The following FUT8 variants were observed in gnomAD, a reference collection of about 807,000 sequenced individuals.
FUT8 encodes the protein fucosyltransferase 8.
Under a neutral mutation model 71.3 loss-of-function variants are expected in FUT8, and 29 were observed. The observed-to-expected ratio is 0.41, with a 90% CI of 0.30 to 0.55. The LOEUF (loss-of-function observed/expected upper bound fraction) is 0.55, where lower values mean the gene tolerates loss of function less well. Among genes scored for constraint, FUT8 ranks in the 20% least tolerant of loss-of-function variants. The pLI, the probability that FUT8 is intolerant of heterozygous loss-of-function variation, is 0.34. For missense variants in FUT8, 544 were observed against 702.1 expected (o/e 0.77, Z 2.55); for synonymous variants, 254 against 239.3 (o/e 1.06, Z -0.57).
rs78069755 is a variant in FUT8 at position 65,649,534 on chromosome 14, C to T, written c.598-19709C>T. Among the ~76,000 whole-genome samples, 753 of 152,232 alleles carry T rather than the reference C, an allele frequency of 4.9e-3. 8 individuals are homozygous for T. The highest frequency in any genetic ancestry group is 0.017 in the African/African-American group (715 of 41,532). ...GATACTGTGTGTTTGGCTTTGCAAC[C>T]AAAGGACCTAGTGCCCTGCCTTTTG... On this transcript the variant is annotated intron_variant, in intron 6 of 10. Transcript: ENST00000673929.
At chr14:65,727,624 G>A (rs575717696) in intron 9 of FUT8, among the ~76,000 whole-genome samples, 1 of 152,152 alleles carries the variant, frequency 6.6e-6, no homozygotes, top group Non-Finnish European at 1.5e-5. Context: ...GGCCTCTGAT[G>A]TGAGGGGCTG....
rs1205980366 is a variant in FUT8 at position 65,483,047 on chromosome 14, T to TC, written c.-228+27334dup. ...CCCGAGGCCAGCAACTTCTTTTACT[T>TC]CCCCCTCAGTTGGATTTGTAACAGA... is the stretch of plus-strand genomic sequence containing the variant. On this transcript the variant is annotated intron_variant, in intron 2 of 10. Coordinates refer to ENST00000673929, the MANE Select transcript of FUT8 (RefSeq NM_001371533.1). This position sits in a 1 kb window ranked among gnomAD's most constrained non-coding sequence, Gnocchi z 4.4. Among the ~76,000 whole-genome samples, 1 of 152,092 alleles carries TC rather than the reference T, an allele frequency of 6.6e-6. No individual in the cohort carries two copies.
chr14:65,680,107 GTTA>G (rs1892964651), intron 7 of FUT8, among the ~76,000 whole-genome samples: 1 of 152,152 alleles, frequency 6.6e-6, no homozygotes, highest in Non-Finnish European at 1.5e-5. Flanking sequence ...AGCTCACACA[GTTA>G]TCAAGTCTGA....
At chr14:65,461,395 A>T (rs2065967162) in intron 2 of FUT8, among the ~76,000 whole-genome samples, 2 of 148,184 alleles carry the variant, frequency 1.3e-5, no homozygotes, top group Admixed American at 1.4e-4. Context: ...TCTAGCCGTT[A>T]CACATTTTGG....
At chr14:65,404,474 G>T in the FUT8 span, among the ~76,000 whole-genome samples, 1 of 148,752 alleles carries the variant, frequency 6.7e-6, no homozygotes, top group Non-Finnish European at 1.5e-5. Context: ...ACCCAGCGTT[G>T]TTTCTTTTTT....
At chr14:65,729,132 C>T (rs1895833596) in intron 9 of FUT8, among the ~76,000 whole-genome samples, 1 of 143,100 alleles carries the variant, frequency 7.0e-6, no homozygotes, top group Non-Finnish European at 1.5e-5. Context: ...CTCAAGAAAT[C>T]CTCCTTCCTC....
At chr14:65,407,492 G>A (rs1285048227), upstream of FUT8, among the ~76,000 whole-genome samples, 1 of 152,016 alleles carries the variant, frequency 6.6e-6, no homozygotes, top group Admixed American at 6.6e-5. Flanking sequence ...ATAGAGACAG[G>A]GGTCTTGCTA....
intron 3 of FUT8, among the ~76,000 whole-genome samples, chr14:65,605,164 G>A (rs984822098): frequency 5.9e-5 from 9 of 151,788 alleles, no homozygotes; most frequent in African/African-American, 2.2e-4. Flanking sequence ...GTGGACATGT[G>A]CTAAAATTTC....
At chr14:65,407,882 ATC>A (rs2065093645), upstream of FUT8, among the ~76,000 whole-genome samples, 2 of 152,184 alleles carry the variant, frequency 1.3e-5, no homozygotes, top group Non-Finnish European at 2.9e-5. Flanking sequence ...GCCAATGGCA[ATC>A]TGGGTTACAG....
intron 2 of FUT8, among the ~76,000 whole-genome samples, chr14:65,539,645 A>C (rs375584426): frequency 6.6e-6 from 1 of 152,210 alleles, no homozygotes; most frequent in African/African-American, 2.4e-5. Flanking sequence ...ATGTTTATTG[A>C]GTGTTTACTA....
intron 2 of FUT8, among the ~76,000 whole-genome samples, chr14:65,496,084 G>C (rs2066554451): frequency 6.6e-6 from 1 of 152,244 alleles, no homozygotes; most frequent in East Asian, 1.9e-4. Flanking sequence ...TACTAATTAT[G>C]TTTATATTTT....
chr14:65,662,507 A>G (rs1892017034), intron 6 of FUT8, among the ~76,000 whole-genome samples: 1 of 152,230 alleles, frequency 6.6e-6, no homozygotes, highest in African/African-American at 2.4e-5. Flanking sequence ...CTGATGAATT[A>G]TAATTACAAA....
Position 65,435,922 on chromosome 14 carries a change from CTT to C in FUT8, c.-325-19682_-325-19681del, listed in dbSNP as rs374407475. On this transcript the variant is annotated intron_variant, in intron 1 of 10. Coordinates refer to ENST00000673929, the MANE Select transcript of FUT8 (RefSeq NM_001371533.1). ...TTTCGTGTGCTTTAAGATATCTTCC[CTT>C]TTTTTTTTTTTTTTTTCTTTAAAAG... 7.8e-3 allele frequency among the ~76,000 whole-genome samples: 947 copies of C among 121,878 alleles called. 5 individuals are homozygous for C. Among genetic ancestry groups the C allele is most frequent in the African/African-American group, 0.025 (802 of 32,500 alleles). The allele number at this position is 121,878 out of a possible 152,430, so 80.0% of individuals were successfully genotyped here.
intron 1 of FUT8, among the ~76,000 whole-genome samples, chr14:65,451,286 C>G (rs1355533520): frequency 6.6e-6 from 1 of 152,234 alleles, no homozygotes; most frequent in African/African-American, 2.4e-5. Flanking sequence ...TCACTCAGAC[C>G]CACTGCGTTC....
At chr14:65,502,936 C>T (rs747884652) in intron 2 of FUT8, among the ~76,000 whole-genome samples, 9 of 152,200 alleles carry the variant, frequency 5.9e-5, no homozygotes, top group Admixed American at 3.9e-4. Context: ...CTACTGGTCC[C>T]TAGACCAGAC....
chr14:65,415,786 G>C (rs2065212090), intron 1 of FUT8, among the ~76,000 whole-genome samples: 2 of 151,294 alleles, frequency 1.3e-5, no homozygotes, highest in African/African-American at 4.9e-5. Flanking sequence ...ATCTCCTGCA[G>C]TATAATGCAG....
the FUT8 span, among the ~76,000 whole-genome samples, chr14:65,362,282 T>C: frequency 6.6e-6 from 1 of 152,210 alleles, no homozygotes; most frequent in Non-Finnish European, 1.5e-5. Context: ...CACAACGCTG[T>C]CTTCTAAGGA....
At chr14:65,697,897 C>G (rs1284024181) in intron 7 of FUT8, among the ~76,000 whole-genome samples, 1 of 151,936 alleles carries the variant, frequency 6.6e-6, no homozygotes, top group Non-Finnish European at 1.5e-5. Flanking sequence ...ATCACTTGAA[C>G]CCAGGAGGTG....
intron 7 of FUT8, among the ~76,000 whole-genome samples, chr14:65,711,023 A>G (rs1410421399): frequency 6.6e-6 from 1 of 152,146 alleles, no homozygotes; most frequent in Non-Finnish European, 1.5e-5. Context: ...CTAGAACAGT[A>G]CCAAGTCTTT....
Sources: allele counts gnomAD v4.1 joint callset (sites outside exome capture counted in the v4.1 genomes callset), GRCh38; gene constraint gnomAD v4.1.1; non-coding constraint Gnocchi (gnomAD v3.1); transcripts MANE v1.5; gene names NCBI Gene and HGNC (gene_info 2026-07-23, HGNC 2026-07-21).